Variants in DLG2 observed in about 807,000 individuals in gnomAD.
DLG2 encodes the protein disks large homolog 2.
DLG2 carries 45 observed loss-of-function variants against 132.5 expected under a neutral mutation model. The observed-to-expected ratio is 0.34, with a 90% CI of 0.27 to 0.44. The LOEUF (loss-of-function observed/expected upper bound fraction) is 0.44. DLG2 is among the 20% of genes least tolerant of loss of function. The pLI, the probability that DLG2 is intolerant of heterozygous loss-of-function variation, is 1.00. For synonymous variants in DLG2, 424 were observed against 419.6 expected, an observed-to-expected ratio of 1.01 and a Z score of -0.13; for missense variants, 1,045 against 1,196.9, an observed-to-expected ratio of 0.87 and a Z score of 1.87.
At chr11:85,131,923 A>G (rs2075745034) in intron 5 of DLG2, among the ~76,000 whole-genome samples, 1 of 152,154 alleles carries the variant, frequency 6.6e-6, no homozygotes, top group African/African-American at 2.4e-5. Flanking sequence ...ATATGGTTCA[A>G]ATTAACTCAT....
At chr11:84,558,293 A>C (rs1308287792) in intron 6 of DLG2, among the ~76,000 whole-genome samples, 1 of 152,174 alleles carries the variant, frequency 6.6e-6, no homozygotes, top group African/African-American at 2.4e-5. Flanking sequence ...TGGCAAGCTA[A>C]GCATCCTTAA....
intron 18 of DLG2, among the ~76,000 whole-genome samples, chr11:83,639,542 G>A (rs542384124): frequency 6.6e-6 from 1 of 150,972 alleles, no homozygotes; most frequent in East Asian, 2.0e-4. Context: ...TCACTCATAG[G>A]TGGGAATTGA....
At chr11:83,605,012 A>G (rs944705327) in intron 19 of DLG2, among the ~76,000 whole-genome samples, 1 of 145,520 alleles carries the variant, frequency 6.9e-6, no homozygotes, top group Non-Finnish European at 1.6e-5. Context: ...AAAGACAGAG[A>G]GAGAGAGAGA....
At chr11:84,384,293 T>C (rs185396328) in intron 7 of DLG2, among the ~76,000 whole-genome samples, 11 of 152,066 alleles carry the variant, frequency 7.2e-5, no homozygotes, top group African/African-American at 2.4e-4. Context: ...GCCTATTATA[T>C]ACTTGGTGCT....
intron 15 of DLG2, among the ~76,000 whole-genome samples, chr11:83,897,502 A>C (rs1335605521): frequency 6.6e-6 from 1 of 152,198 alleles, no homozygotes; most frequent in Admixed American, 6.5e-5. Flanking sequence ...TTAAATGTTA[A>C]ATTACTTGAA....
At chr11:85,226,973 T>C (rs980902741) in intron 4 of DLG2, among the ~76,000 whole-genome samples, 4 of 152,118 alleles carry the variant, frequency 2.6e-5, no homozygotes, top group African/African-American at 7.2e-5. Flanking sequence ...TTAGTTAATG[T>C]TACAATTAGA....
chr11:85,391,534 C>G (rs991341213), intron 3 of DLG2, among the ~76,000 whole-genome samples: 1 of 151,936 alleles, frequency 6.6e-6, no homozygotes, highest in African/African-American at 2.4e-5. Flanking sequence ...TGCAAAAATC[C>G]TCAACAAAAT....
At chr11:84,420,491 C>A (rs1222341327) in intron 7 of DLG2, among the ~76,000 whole-genome samples, 1 of 152,044 alleles carries the variant, frequency 6.6e-6, no homozygotes, top group East Asian at 1.9e-4. Flanking sequence ...CCAACACCCA[C>A]CAGCATCATC....
chr11:85,071,047 C>T lies in DLG2; in HGVS notation c.357+40614G>A, dbSNP rs150959469. On this transcript the variant is annotated intron_variant, in intron 6 of 27. Transcript: ENST00000376104. ...TTGGGAAAACTACCTGATCTCTCTA[C>T]GCCTCTGTTTCATCATTTGTAAAAT... 2.3e-3 allele frequency among the ~76,000 whole-genome samples: 342 copies of T among 151,922 alleles called. 6 individuals carry two copies. The South Asian group carries it at 0.032, about 14-fold the overall frequency.
intron 3 of DLG2, among the ~76,000 whole-genome samples, chr11:85,484,112 A>G (rs1455898529): frequency 6.6e-6 from 1 of 151,762 alleles, no homozygotes; most frequent in Non-Finnish European, 1.5e-5. Flanking sequence ...GAGAGAGTAC[A>G]AGAGGGCGTG....
At chr11:85,443,509 C>T (rs1044699287) in intron 3 of DLG2, among the ~76,000 whole-genome samples, 14 of 152,124 alleles carry the variant, frequency 9.2e-5, no homozygotes, top group Admixed American at 7.2e-4. Flanking sequence ...GAAAACTTTA[C>T]GTTTGAAAGT....
intron 19 of DLG2, among the ~76,000 whole-genome samples, chr11:83,606,694 G>A (rs546204529): frequency 6.1e-4 from 92 of 151,900 alleles, no homozygotes; most frequent in Non-Finnish European, 1.2e-3. Context: ...TTGGGAGGCT[G>A]AGGCGGGCGG....
intron 5 of DLG2, among the ~76,000 whole-genome samples, chr11:85,144,094 T>C (rs2076678229): frequency 6.6e-6 from 1 of 151,862 alleles, no homozygotes; most frequent in South Asian, 2.1e-4. Context: ...TTGTTTTATA[T>C]ATATGGGTGC....
At chr11:85,557,816 T>C (rs1278303848) in intron 3 of DLG2, among the ~76,000 whole-genome samples, 2 of 151,824 alleles carry the variant, frequency 1.3e-5, no homozygotes, top group Admixed American at 1.3e-4. Context: ...AAAGATGAAT[T>C]AAAGATTTAA....
chr11:84,815,028 G>A (rs1256636372), intron 6 of DLG2, among the ~76,000 whole-genome samples: 1 of 152,002 alleles, frequency 6.6e-6, no homozygotes, highest in Non-Finnish European at 1.5e-5. Context: ...AGAGGAAGAG[G>A]AGCATTAGGG....
chr11:83,502,099 G>A (rs544716767), intron 21 of DLG2, among the ~76,000 whole-genome samples: 22 of 152,182 alleles, frequency 1.4e-4, no homozygotes, highest in Admixed American at 1.2e-3. Flanking sequence ...CTCATATAGC[G>A]GATACTTTTA....
chr11:84,368,474 T>C (rs1260816558), intron 7 of DLG2, among the ~76,000 whole-genome samples: 1 of 152,100 alleles, frequency 6.6e-6, no homozygotes, highest in Non-Finnish European at 1.5e-5. Flanking sequence ...GCTCAAACCA[T>C]CTACTAGATC....
chr11:83,564,420 C>T (rs530964173), intron 19 of DLG2, among the ~76,000 whole-genome samples: 1 of 152,296 alleles, frequency 6.6e-6, no homozygotes, highest in Admixed American at 6.5e-5. Flanking sequence ...CACTCATCCC[C>T]TCATTGCTTC....
At chr11:83,460,549 A>G (rs2089702312) in intron 27 of DLG2, among the ~76,000 whole-genome samples, 1 of 152,330 alleles carries the variant, frequency 6.6e-6, no homozygotes, top group Middle Eastern at 3.4e-3. Context: ...ACAGGAAGAA[A>G]TATAAACAAA....
Sources: gnomAD v4.1 joint callset for allele counts (sites outside exome capture counted in the v4.1 genomes callset) on GRCh38, gnomAD v4.1.1 for gene constraint, MANE v1.5 for transcripts, NCBI Gene and HGNC (gene_info 2026-07-23, HGNC 2026-07-21) for gene names.